Variants in BCAS2 observed in about 807,000 individuals in gnomAD.
BCAS2 encodes pre-mRNA-splicing factor SPF27.
BCAS2 carries 34 observed loss-of-function variants against 35.3 expected under a neutral mutation model. That is an observed-to-expected ratio of 0.96 (90% CI 0.73 to 1.28). The LOEUF is 1.28. BCAS2 is among the 50% of genes most tolerant of loss of function. The probability of loss-of-function intolerance (pLI) is 0.00; values close to 1 mark genes in which losing one functional copy is unlikely to be tolerated. For synonymous variants in BCAS2, 75 were observed against 91.6 expected (o/e 0.82, Z 1.03); for missense variants, 221 against 268.1 (o/e 0.82, Z 1.23).
At chr1:114,578,161 G>A (rs1654812296) in intron 2 of BCAS2, among the ~76,000 whole-genome samples, 2 of 152,120 alleles carry the variant, frequency 1.3e-5, no homozygotes, top group Admixed American at 1.3e-4. Flanking sequence ...CTGCACTCCA[G>A]CCTGGCAACA....
intron 4 of BCAS2, among the ~76,000 whole-genome samples, chr1:114,574,693 T>A (rs2101628479): frequency 6.6e-6 from 1 of 152,342 alleles, no homozygotes; most frequent in East Asian, 1.9e-4. Context: ...CTAGTTTTGT[T>A]ACAATATTAT....
chr1:114,568,328 G>T, intron 6 of BCAS2, 72 bp from the exon 7 acceptor site: 2 of 1,458,454 alleles, frequency 1.4e-6, no homozygotes, highest in Admixed American at 2.1e-5. Context: ...TATTTTAAAT[G>T]TATACACATG....
At position 114,568,755 on chromosome 1, in the gene BCAS2, CTTTTTTTTTTT is replaced by C. The variant is rs67319421; in HGVS notation, c.552-510_552-500del. On this transcript the variant is annotated intron_variant, in intron 6 of 6. Transcript: ENST00000369541. Reference sequence around the variant, plus strand: ...AGGGTACATGGAATCTCTCTGTATTCTTTTTTTTTTTTTTTTTTTTTTTTCCAGAGACAGGG... The same window carrying C: ...AGGGTACATGGAATCTCTCTGTATTCTTTTTTTTTTTTTCCAGAGACAGGG... 2.4e-3 allele frequency among the ~76,000 whole-genome samples: 199 copies of C among 83,248 alleles called. 1 individual carries two copies. The highest frequency in any genetic ancestry group is 8.1e-3 in the African/African-American group (179 of 22,222). The allele number at this position is 83,248 out of a possible 152,430, so 54.6% of individuals were successfully genotyped here.
At chr1:114,580,199 C>T (rs903869823) in intron 2 of BCAS2, among the ~76,000 whole-genome samples, 1 of 152,162 alleles carries the variant, frequency 6.6e-6, no homozygotes, top group South Asian at 2.1e-4. Context: ...GCTGGGATTA[C>T]AGGTGTGAGC....
chr1:114,579,489 A>C (rs1654838445), intron 2 of BCAS2, among the ~76,000 whole-genome samples: 1 of 152,166 alleles, frequency 6.6e-6, no homozygotes, highest in African/African-American at 2.4e-5. Flanking sequence ...TTAGTTCTTA[A>C]TGTGGTTAAC....
intron 2 of BCAS2, 110 bp from the exon 3 acceptor site, chr1:114,576,868 C>A (rs1239014724): frequency 8.2e-6 from 6 of 736,062 alleles, no homozygotes; most frequent in Non-Finnish European, 1.3e-5. Context: ...GAATTGTTTA[C>A]CTTTCCCTAA....
intron 4 of BCAS2, 56 bp from the exon 5 acceptor site, chr1:114,570,806 G>C: frequency 1.6e-6 from 2 of 1,287,994 alleles, no homozygotes; most frequent in Non-Finnish European, 2.2e-6. Flanking sequence ...CCAATTAAAA[G>C]TGAACTTTTT....
Position 114,570,753 on chromosome 1 carries a change from G to A in BCAS2, c.420-3C>T, listed in dbSNP as rs374723628. 1.9e-6 allele frequency: 3 copies of A among 1,576,414 alleles called. No individual in the cohort carries two copies. The highest frequency in any genetic ancestry group is 1.4e-5 in the African/African-American group (1 of 73,858). ...GTTCAATCATATGAACTAGATTTCT[G>A]AAGGAAAAGAGGAAAATCAGATTAA... On this transcript the variant is annotated splice_region_variant and splice_polypyrimidine_tract_variant and intron_variant, in intron 4 of 6. Transcript: ENST00000369541.
At chr1:114,573,208 C>A (rs958775017) in intron 4 of BCAS2, among the ~76,000 whole-genome samples, 5 of 146,648 alleles carry the variant, frequency 3.4e-5, no homozygotes, top group African/African-American at 1.3e-4. Flanking sequence ...GGTAAGTTGA[C>A]AGCAGTGTTC....
Position 114,581,329 on chromosome 1 carries a change from G to T in BCAS2, c.156C>A (p.Tyr52Ter). Residue 52 changes from tyrosine to a stop codon, truncating the protein, a stop_gained, in exon 2 of 7, where the codon TAC becomes TAA. Transcript: ENST00000369541. LOFTEE classifies it high-confidence loss of function. ...AGGCAGAATAATCCGGGGCTGTCAG[G>T]TAGCTCAGGTAGTTCTTAGTAGGTC... Reference protein sequence around the residue: ...RYRPTKNYLSYLTAPDYSAFE... With the variant: ...RYRPTKNYLS 1 of 1,614,180 alleles carries T rather than the reference G, an allele frequency of 6.2e-7. No individual in the cohort carries two copies. The highest frequency in any genetic ancestry group is 8.5e-7 in the Non-Finnish European group (1 of 1,180,024).
chr1:114,573,850 G>T (rs1309473142), intron 4 of BCAS2, among the ~76,000 whole-genome samples: 2 of 152,056 alleles, frequency 1.3e-5, no homozygotes, highest in African/African-American at 4.8e-5. Context: ...TTTTTATGTG[G>T]CTACAAATAT....
At chr1:114,576,305 C>G (rs1557932103) in intron 3 of BCAS2, among the ~76,000 whole-genome samples, 2 of 150,640 alleles carry the variant, frequency 1.3e-5, no homozygotes, top group East Asian at 3.9e-4. Context: ...GTCCCCAACG[C>G]TGGAGTGCAG....
rs201181261 is a variant in BCAS2, at chr1:114,575,191, T to C, written c.419+399A>G. Among the ~76,000 whole-genome samples, 13 of 144,624 alleles carry C rather than the reference T, an allele frequency of 9.0e-5. No individual in the cohort carries two copies. In the East Asian group the frequency reaches 1.8e-3, roughly 20 times the overall value. The allele number at this position is 144,624 out of a possible 152,430, so 94.9% of individuals were successfully genotyped here. On this transcript the variant is annotated intron_variant, in intron 4 of 6. Transcript: ENST00000369541. ...CCGGCTTTTCTTTTTCTTTTCTTTTTTTTTTTTTTTTTTTGAGATAGAGTC... is the reference window on the plus strand; with the variant it reads ...CCGGCTTTTCTTTTTCTTTTCTTTTCTTTTTTTTTTTTTTGAGATAGAGTC...
intron 3 of BCAS2, among the ~76,000 whole-genome samples, chr1:114,576,000 C>T (rs759325029): frequency 1.4e-4 from 21 of 152,054 alleles, no homozygotes; most frequent in Non-Finnish European, 2.5e-4. Context: ...AAGATTGTTA[C>T]ATTAGCTATT....
rs115345443 is a variant in BCAS2, at chr1:114,573,700, T to C, written c.419+1890A>G. Among the ~76,000 whole-genome samples, 42 of 152,356 alleles carry C rather than the reference T, an allele frequency of 2.8e-4. No individual in the cohort carries two copies. In the East Asian group the frequency reaches 3.3e-3, roughly 12 times the overall value. On this transcript the variant is annotated intron_variant, in intron 4 of 6. Transcript: ENST00000369541. The stretch of plus-strand genomic sequence containing the variant: ...TTTTCCATTTTGTGAAACAGATTTA[T>C]TGATGTCGCTTACATTTCTTAATCA...
Position 114,576,690 on chromosome 1 carries a change from T to C in BCAS2, c.255A>G (p.Lys85=). The C allele has an allele frequency of 1.2e-6, 2 of 1,607,656 alleles. No homozygotes were observed. The highest frequency in any genetic ancestry group is 8.5e-7 in the Non-Finnish European group (1 of 1,175,418). The change falls in exon 3 of 7, where the codon AAA becomes AAG. Residue 85 remains lysine, a splice_region_variant and synonymous_variant. Coordinates refer to ENST00000369541, the MANE Select transcript of BCAS2 (RefSeq NM_005872.3). ...AATTTCCATTTTAATATTCTTACCG[T>C]TTCATACTGAGCAATTCAATTGGTT... ...ARQPIELLSM[K]RYELPAPSSG...
chr1:114,570,287 C>CAT (rs2101626201), intron 5 of BCAS2, among the ~76,000 whole-genome samples: 1 of 152,186 alleles, frequency 6.6e-6, no homozygotes, highest in African/African-American at 2.4e-5. Flanking sequence ...CACACACACA[C>CAT]AAGCACACAC....
intron 2 of BCAS2, among the ~76,000 whole-genome samples, chr1:114,580,838 G>A (rs1443138886): frequency 2.0e-5 from 3 of 152,138 alleles, no homozygotes; most frequent in Non-Finnish European, 2.9e-5. Context: ...GGAGAAGGCT[G>A]AGAAAAAAGT....
chr1:114,574,240 T>C (rs937937660), intron 4 of BCAS2, among the ~76,000 whole-genome samples: 4 of 152,218 alleles, frequency 2.6e-5, no homozygotes, highest in African/African-American at 9.6e-5. Flanking sequence ...TTCATGGACA[T>C]GTGCACAGTG....
Sources: allele counts gnomAD v4.1 joint callset (sites outside exome capture counted in the v4.1 genomes callset), GRCh38; gene constraint gnomAD v4.1.1; transcripts MANE v1.5; gene names NCBI Gene and HGNC (gene_info 2026-07-23, HGNC 2026-07-21).